The following PRTG variants were observed in gnomAD, a reference collection of about 807,000 sequenced individuals.
The protein encoded by PRTG is protogenin.
In PRTG, 67 loss-of-function variants were observed where a neutral mutation model predicts 122.5. The observed-to-expected ratio is 0.55, with a 90% CI of 0.45 to 0.67. The LOEUF is 0.67. PRTG is among the 30% of genes least tolerant of loss of function. PRTG has a pLI of 0.00. For synonymous variants in PRTG, 554 were observed against 501.1 expected, an observed-to-expected ratio of 1.11 and a Z score of -1.41; for missense variants, 1,435 against 1,415.4, an observed-to-expected ratio of 1.01 and a Z score of -0.22.
At chr15:55,720,086 A>G (rs2030755893) in intron 2 of PRTG, among the ~76,000 whole-genome samples, 1 of 150,292 alleles carries the variant, frequency 6.7e-6, no homozygotes, top group Non-Finnish European at 1.5e-5. Context: ...AAAAGAAAAG[A>G]AAAAACTGTG....
intron 11 of PRTG, among the ~76,000 whole-genome samples, chr15:55,648,734 T>G (rs982941154): frequency 6.6e-6 from 1 of 152,320 alleles, no homozygotes; most frequent in South Asian, 2.1e-4. Flanking sequence ...CCTGATGAAA[T>G]AGCAGTAAAA....
chr15:55,739,053 G>C lies in PRTG; in HGVS notation c.397+1329C>G, dbSNP rs2031528422. 2.0e-5 allele frequency among the ~76,000 whole-genome samples: 3 copies of C among 152,112 alleles called. No homozygotes were observed. In the South Asian group the frequency reaches 6.2e-4, roughly 32 times the overall value. ...AGTGTGGCTAGAACCGCAAACCTCT[G>C]ATTTTCTGATGTATCAATATAGAAA... On this transcript the variant is annotated intron_variant, in intron 2 of 19. Coordinates refer to ENST00000389286, the MANE Select transcript of PRTG (RefSeq NM_173814.6).
intron 12 of PRTG, 95 bp from the exon 13 acceptor site, chr15:55,639,923 T>A: frequency 2.7e-6 from 4 of 1,505,774 alleles, no homozygotes; most frequent in African/African-American, 1.4e-5. Flanking sequence ...ACCCTATAAG[T>A]TGATTTTAGG....
chr15:55,636,701 G>A (rs2059259646), intron 15 of PRTG, among the ~76,000 whole-genome samples: 1 of 150,946 alleles, frequency 6.6e-6, no homozygotes, highest in African/African-American at 2.4e-5. Context: ...AGGCTGGAGT[G>A]CAATGGTGCA....
chr15:55,715,248 C>G (rs2030556180), intron 2 of PRTG, among the ~76,000 whole-genome samples: 1 of 152,200 alleles, frequency 6.6e-6, no homozygotes, highest in African/African-American at 2.4e-5. Context: ...TTAGTTTCCA[C>G]CATATCTATG....
chr15:55,683,513 C>T (rs2141818270), intron 3 of PRTG, among the ~76,000 whole-genome samples: 1 of 152,240 alleles, frequency 6.6e-6, no homozygotes, highest in South Asian at 2.1e-4. Context: ...AAACCCTGGG[C>T]TGCAGTCCAG....
At chr15:55,620,454 C>G (rs2059160038) in intron 19 of PRTG, among the ~76,000 whole-genome samples, 188 bp from the exon 20 acceptor site, 1 of 152,186 alleles carries the variant, frequency 6.6e-6, no homozygotes, top group Admixed American at 6.5e-5. Flanking sequence ...TGACCCTACT[C>G]CCCACTGAAA....
intron 2 of PRTG, among the ~76,000 whole-genome samples, chr15:55,700,606 ACC>A (rs571738948): frequency 1.3e-5 from 2 of 152,100 alleles, no homozygotes; most frequent in South Asian, 4.2e-4. Flanking sequence ...ACACAGGGAG[ACC>A]CCATCTCAAC....
intron 14 of PRTG, among the ~76,000 whole-genome samples, chr15:55,638,107 G>A (rs532398997): frequency 1.3e-5 from 2 of 152,180 alleles, no homozygotes; most frequent in African/African-American, 4.8e-5. Context: ...ATCTTAGCTA[G>A]AGCCACAGAT....
chr15:55,651,823 G>A (rs2059354628), intron 11 of PRTG, among the ~76,000 whole-genome samples: 1 of 152,142 alleles, frequency 6.6e-6, no homozygotes, highest in Non-Finnish European at 1.5e-5. Flanking sequence ...AAGAACATGA[G>A]AAAACTTTTC....
chr15:55,624,519 G>A lies in PRTG; in HGVS notation c.2928-12C>T, dbSNP rs201880322. On this transcript the variant is annotated splice_polypyrimidine_tract_variant and intron_variant, in intron 17 of 19. Transcript: ENST00000389286. Reference sequence around the variant, plus strand: ...AAGCAGATGATTTCCTAAAACATTGGCAAGAAGAGGAAGTCTTCTAATTTC... The same window carrying A: ...AAGCAGATGATTTCCTAAAACATTGACAAGAAGAGGAAGTCTTCTAATTTC... 6.2e-7 allele frequency: 1 copy of A among 1,603,658 alleles called. No homozygotes were observed. The highest frequency in any genetic ancestry group is 8.5e-7 in the Non-Finnish European group (1 of 1,175,008).
At chr15:55,644,367 T>A (rs1280889849) in intron 11 of PRTG, among the ~76,000 whole-genome samples, 2 of 152,288 alleles carry the variant, frequency 1.3e-5, no homozygotes, top group Middle Eastern at 3.4e-3. Flanking sequence ...GGAGAGATAA[T>A]CTTTTTTCTA....
chr15:55,708,919 C>A (rs1467633992), intron 2 of PRTG, among the ~76,000 whole-genome samples: 1 of 151,632 alleles, frequency 6.6e-6, no homozygotes, highest in Non-Finnish European at 1.5e-5. Flanking sequence ...CCGAGGCAGG[C>A]AGATTAGGTG....
At chr15:55,639,524 C>A in intron 13 of PRTG, 118 bp downstream of exon 13, 2 of 785,128 alleles carry the variant, frequency 2.5e-6, no homozygotes, top group South Asian at 2.1e-5. Flanking sequence ...AACTTAAGTC[C>A]TGAAACAAAT....
intron 2 of PRTG, among the ~76,000 whole-genome samples, chr15:55,699,090 T>C (rs907930218): frequency 6.6e-6 from 1 of 152,154 alleles, no homozygotes; most frequent in Admixed American, 6.5e-5. Flanking sequence ...AACTTTATAT[T>C]ATAGGATTTT....
In PRTG at chr15:55,626,779, A is replaced by G. The variant is rs537073872; in HGVS notation, c.2927+229T>C. On this transcript the variant is annotated intron_variant, in intron 17 of 19. Coordinates refer to ENST00000389286, the MANE Select transcript of PRTG (RefSeq NM_173814.6). ...TCTCAAAAAAATAAAAGAAAAGAAA[A>G]AAGAAAAAAAAAGAATATTGGCATA... Among the ~76,000 whole-genome samples, 15 of 152,250 alleles carry G rather than the reference A, an allele frequency of 9.9e-5. No individual in the cohort carries two copies. The East Asian group carries it at 2.7e-3, about 27-fold the overall frequency.
chr15:55,641,536 C>T (rs533261141), intron 11 of PRTG, among the ~76,000 whole-genome samples: 6 of 152,120 alleles, frequency 3.9e-5, no homozygotes, highest in Non-Finnish European at 8.8e-5. Context: ...CTTCAGTTTG[C>T]TTGATGGATC....
intron 11 of PRTG, among the ~76,000 whole-genome samples, chr15:55,669,087 G>A (rs2059454022): frequency 6.7e-6 from 1 of 150,258 alleles, no homozygotes; most frequent in Non-Finnish European, 1.5e-5. Context: ...CTTTCTTCCA[G>A]AAACAAAGAA....
intron 11 of PRTG, among the ~76,000 whole-genome samples, chr15:55,670,793 C>T (rs1378305756): frequency 1.3e-5 from 2 of 151,866 alleles, no homozygotes; most frequent in African/African-American, 2.4e-5. Context: ...CCCAGCTACT[C>T]GGGAGGCTGA....
Sources: gnomAD v4.1 joint callset for allele counts (sites outside exome capture counted in the v4.1 genomes callset) on GRCh38, gnomAD v4.1.1 for gene constraint, MANE v1.5 for transcripts, NCBI Gene and HGNC (gene_info 2026-07-23, HGNC 2026-07-21) for gene names.